Variants in RBX1 observed in about 807,000 individuals in gnomAD.
RBX1 encodes ring-box 1.
For synonymous variants in RBX1, 48 were observed against 47.9 expected (o/e 1.00, Z -0.01); for missense variants, 46 against 141.4 (o/e 0.33, Z 3.42).
At chr22:40,953,125 G>T (rs2058315924) in intron 1 of RBX1, among the ~76,000 whole-genome samples, 1 of 151,570 alleles carries the variant, frequency 6.6e-6, no homozygotes, top group African/African-American at 2.4e-5. Flanking sequence ...CAAACAGCTG[G>T]TATTATAGAC....
intron 4 of RBX1, among the ~76,000 whole-genome samples, 160 bp from the exon 5 acceptor site, chr22:40,972,316 A>G (rs1045765777): frequency 6.6e-6 from 1 of 152,224 alleles, no homozygotes; most frequent in Non-Finnish European, 1.5e-5. Context: ...AAGGGGAATC[A>G]CAGCGACAGC....
intron 4 of RBX1, among the ~76,000 whole-genome samples, chr22:40,969,185 T>C (rs1400108355): frequency 2.0e-5 from 3 of 151,878 alleles, no homozygotes; most frequent in African/African-American, 7.3e-5. Flanking sequence ...TGGGGGCACA[T>C]ACCTGTAATC....
rs908646239 is a variant in RBX1 at position 40,973,235 on chromosome 22, A to C, written c.*747A>C. 3 of 152,156 alleles carry C rather than the reference A, an allele frequency of 2.0e-5. No individual in the cohort carries two copies. Among genetic ancestry groups the C allele is most frequent in the Admixed American group, 6.6e-5 (1 of 15,252 alleles). 9.4% of individuals were successfully genotyped at this position (152,156 alleles called of 1,614,324 possible). A position where few individuals can be genotyped will look rare whatever the true frequency, so the allele number is the denominator to read the frequency against. On this transcript the variant is annotated 3_prime_UTR_variant, in exon 5 of 5. Coordinates refer to ENST00000216225, the MANE Select transcript of RBX1 (RefSeq NM_014248.4). ...TTGGGGATGGTTTTGGAACTGTTCC[A>C]CCTGAGATCATGAGGCAGTAGATGG...
chr22:40,957,284 G>T (rs1468586367), intron 2 of RBX1, among the ~76,000 whole-genome samples: 1 of 151,404 alleles, frequency 6.6e-6, no homozygotes, highest in African/African-American at 2.4e-5. Flanking sequence ...GGCAGAGGTT[G>T]CAGTGAGCCG....
chr22:40,968,693 G>A (rs931786351), intron 4 of RBX1, among the ~76,000 whole-genome samples: 2 of 152,138 alleles, frequency 1.3e-5, no homozygotes, highest in Non-Finnish European at 2.9e-5. Flanking sequence ...TCCCACTGTA[G>A]GCCCCTGCTC....
At chr22:40,954,590 T>C (rs2146296832) in intron 2 of RBX1, among the ~76,000 whole-genome samples, 1 of 152,252 alleles carries the variant, frequency 6.6e-6, no homozygotes, top group East Asian at 1.9e-4. Context: ...GGAACTAAAA[T>C]GATTTGTTAC....
intron 2 of RBX1, among the ~76,000 whole-genome samples, chr22:40,963,507 C>G (rs1469634785): frequency 6.6e-6 from 1 of 151,916 alleles, no homozygotes; most frequent in African/African-American, 2.4e-5. Flanking sequence ...TGGTGGTGTG[C>G]GCCTGTTAAT....
At chr22:40,954,987 G>T (rs1231693014) in intron 2 of RBX1, among the ~76,000 whole-genome samples, 3 of 152,164 alleles carry the variant, frequency 2.0e-5, no homozygotes, top group Admixed American at 6.6e-5. Context: ...CAGTTTTACC[G>T]TGTTGGCCAG....
chr22:40,960,293 T>C (rs2058336392), intron 2 of RBX1, among the ~76,000 whole-genome samples: 1 of 152,072 alleles, frequency 6.6e-6, no homozygotes, highest in Non-Finnish European at 1.5e-5. Context: ...AAAGAGATAC[T>C]CATAATTGAT....
rs762460099 is a variant in RBX1 at position 40,968,692 on chromosome 22, A to T, written c.314+808A>T. ...CCACAGAATATGAATTTCCCACTGT[A>T]GGCCCCTGCTCCGGCTTGCTGGAGC... On this transcript the variant is annotated intron_variant, in intron 4 of 4. Transcript: ENST00000216225. 7.9e-5 allele frequency among the ~76,000 whole-genome samples: 12 copies of T among 152,338 alleles called. 1 individual carries two copies. The South Asian group carries it at 1.0e-3, about 13-fold the overall frequency.
intron 1 of RBX1, among the ~76,000 whole-genome samples, chr22:40,953,049 G>C (rs2058315705): frequency 7.3e-6 from 1 of 137,512 alleles, no homozygotes; most frequent in East Asian, 2.4e-4. Flanking sequence ...GGAGTGCAGT[G>C]GCACGATCTT....
At chr22:40,952,369 A>G (rs1353990455) in intron 1 of RBX1, among the ~76,000 whole-genome samples, 1 of 152,204 alleles carries the variant, frequency 6.6e-6, no homozygotes. Context: ...AATAGGGAAG[A>G]TATTCCTAGA....
intron 2 of RBX1, among the ~76,000 whole-genome samples, chr22:40,958,210 T>C (rs1169155510): frequency 1.3e-5 from 2 of 151,794 alleles, no homozygotes. Context: ...TCCTCCTGCC[T>C]TGCCCTTCCA....
At chr22:40,960,550 A>C (rs1449527115) in intron 2 of RBX1, among the ~76,000 whole-genome samples, 2 of 152,176 alleles carry the variant, frequency 1.3e-5, no homozygotes, top group Non-Finnish European at 2.9e-5. Flanking sequence ...GATCAAATTT[A>C]AACACGATAA....
At chr22:40,958,307 T>TAA (rs751085056) in intron 2 of RBX1, among the ~76,000 whole-genome samples, 11 of 135,702 alleles carry the variant, frequency 8.1e-5, no homozygotes, top group South Asian at 2.3e-4. Context: ...TGCCATAACT[T>TAA]AAAAAAAAAA....
chr22:40,971,814 C>T (rs2058369768), intron 4 of RBX1, among the ~76,000 whole-genome samples: 1 of 152,098 alleles, frequency 6.6e-6, no homozygotes, highest in African/African-American at 2.4e-5. Flanking sequence ...ACCTCAGCCC[C>T]CCAAAGTGCT....
Position 40,961,727 on chromosome 22 carries a change from G to A in RBX1, c.158-2320G>A, listed in dbSNP as rs559222581. On this transcript the variant is annotated intron_variant, in intron 2 of 4. Transcript: ENST00000216225. ...CCCCAATTCTTTATTTTTATCAGTTGGCAAACCAAGTTACTCTGTAGTGTG... is the reference window on the plus strand; with the variant it reads ...CCCCAATTCTTTATTTTTATCAGTTAGCAAACCAAGTTACTCTGTAGTGTG... 5.9e-5 allele frequency among the ~76,000 whole-genome samples: 9 copies of A among 152,056 alleles called. No homozygotes were observed. The East Asian group carries it at 1.7e-3, about 29-fold the overall frequency.
At chr22:40,955,420 T>C (rs963344469) in intron 2 of RBX1, among the ~76,000 whole-genome samples, 11 of 152,172 alleles carry the variant, frequency 7.2e-5, no homozygotes, top group Admixed American at 3.3e-4. Flanking sequence ...AGTATCCACA[T>C]TCATAAAGTA....
At chr22:40,961,238 C>T (rs1003539107) in intron 2 of RBX1, among the ~76,000 whole-genome samples, 3 of 151,556 alleles carry the variant, frequency 2.0e-5, no homozygotes, top group African/African-American at 7.3e-5. Context: ...CAGGCATGTG[C>T]TACCACAACT....
Sources: gnomAD v4.1 joint callset for allele counts (sites outside exome capture counted in the v4.1 genomes callset) on GRCh38, gnomAD v4.1.1 for gene constraint, MANE v1.5 for transcripts, NCBI Gene and HGNC (gene_info 2026-07-23, HGNC 2026-07-21) for gene names.